The following MGAM variants were observed in gnomAD, a reference collection of about 807,000 sequenced individuals.
The protein encoded by MGAM is alpha-1,4-glucosidase.
MGAM carries 253 observed loss-of-function variants against 358.8 expected under a neutral mutation model. The ratio of observed to expected loss-of-function variants is 0.71; its 90% CI spans 0.64 to 0.78. The LOEUF (loss-of-function observed/expected upper bound fraction) is 0.78, where lower values mean the gene tolerates loss of function less well. MGAM is among the 30% of genes least tolerant of loss of function. MGAM has a pLI of 0.00. For synonymous variants in MGAM, 1,105 were observed against 1,227.1 expected, an observed-to-expected ratio of 0.90 and a Z score of 2.08; for missense variants, 3,080 against 3,432.6, an observed-to-expected ratio of 0.90 and a Z score of 2.57.
chr7:142,056,125 G>T, intron 29 of MGAM, 29 bp downstream of exon 29: 1 of 1,565,590 alleles, frequency 6.4e-7, no homozygotes, highest in South Asian at 1.2e-5. Flanking sequence ...CCCTTATTTT[G>T]GGGGGATACC....
In MGAM at chr7:142,054,895, A is replaced by G. The variant is rs201221721; in HGVS notation, c.3301A>G (p.Thr1101Ala). 4.8e-5 allele frequency: 77 copies of G among 1,613,844 alleles called. No homozygotes were observed. In the African/African-American group the frequency reaches 9.7e-4, roughly 20 times the overall value. Residue 1101 changes from threonine (T) to alanine (A), a missense_variant, in exon 27 of 71, where the codon ACA becomes GCA. Thr to Ala is a moderately conservative substitution (Grantham distance 58, BLOSUM62 0). Transcript: ENST00000475668. ...TGGGATTGAAATTCGCCGGAAGAGT[A>G]CAGGCACTATAATGTGAGTGGCTTC... The part of the protein sequence containing the change: ...PFGIEIRRKS[T>A]GTIIWDSQLL...
chr7:142,057,657 G>A (rs1811692943), intron 30 of MGAM, among the ~76,000 whole-genome samples: 1 of 151,676 alleles, frequency 6.6e-6, no homozygotes, highest in East Asian at 1.9e-4. Flanking sequence ...TGATGATGGT[G>A]GTGGTGATGA....
intron 20 of MGAM, 75 bp from the exon 21 acceptor site, chr7:142,040,647 C>A: frequency 6.4e-7 from 1 of 1,553,270 alleles, no homozygotes; most frequent in Admixed American, 1.9e-5. Context: ...AGCTGTGTAT[C>A]ACCAGGCATG....
intron 34 of MGAM, among the ~76,000 whole-genome samples, chr7:142,060,946 G>T (rs1446990045): frequency 6.7e-6 from 1 of 149,886 alleles, no homozygotes; most frequent in Non-Finnish European, 1.5e-5. Flanking sequence ...TGTAAAACTT[G>T]CTCTCTCCTG....
chr7:142,022,214 C>G, intron 6 of MGAM, 54 bp from the exon 7 acceptor site: 3 of 1,511,346 alleles, frequency 2.0e-6, no homozygotes, highest in South Asian at 2.6e-5. Flanking sequence ...TAAGCACTTA[C>G]GTTCTCTCCA....
chr7:142,102,585 T>A, intron 68 of MGAM, 45 bp from the exon 69 acceptor site: 1 of 1,574,318 alleles, frequency 6.4e-7, no homozygotes, highest in Non-Finnish European at 8.7e-7. Flanking sequence ...CATAGAGTTC[T>A]ACAGCACAGG....
At chr7:141,992,310 C>A (rs1424697253), upstream of MGAM, among the ~76,000 whole-genome samples, 1 of 152,204 alleles carries the variant, frequency 6.6e-6, no homozygotes, top group Non-Finnish European at 1.5e-5. Context: ...ATAAGCAGAC[C>A]TGGGCTTTGC....
chr7:142,044,259 A>G, intron 21 of MGAM, among the ~76,000 whole-genome samples: 1 of 119,774 alleles, frequency 8.3e-6, no homozygotes, highest in East Asian at 2.3e-4. Context: ...CATACGACAT[A>G]TAATATATAC....
chr7:142,104,911 TCCTG>T (rs1816720305), intron 70 of MGAM, among the ~76,000 whole-genome samples: 1 of 152,160 alleles, frequency 6.6e-6, no homozygotes, highest in South Asian at 2.1e-4. Flanking sequence ...TCATAATCCT[TCCTG>T]ATGATTAAGC....
At chr7:142,019,690 C>T (rs925155285) in intron 4 of MGAM, among the ~76,000 whole-genome samples, 1 of 152,146 alleles carries the variant, frequency 6.6e-6, no homozygotes, top group Non-Finnish European at 1.5e-5. Context: ...GAAGTAATTC[C>T]AATTTTATAA....
At chr7:142,064,103 T>C (rs1812488885) in intron 36 of MGAM, among the ~76,000 whole-genome samples, 2 of 152,354 alleles carry the variant, frequency 1.3e-5, no homozygotes, top group South Asian at 2.1e-4. Flanking sequence ...ATGGAAATAA[T>C]TGGAAGTCAA....
rs528808191 is a variant in MGAM at position 142,067,631 on chromosome 7, C to G, written c.5004+206C>G. On this transcript the variant is annotated intron_variant, in intron 42 of 70. Coordinates refer to ENST00000475668, the MANE Select transcript of MGAM (RefSeq NM_001365693.1). ...CATCTTTAAAATGAGCCTAACAATT[C>G]TGGTTCGTAGGATGATCAAGAAGAA... Among the ~76,000 whole-genome samples the G allele has an allele frequency of 1.4e-4, 20 of 141,810 alleles. 1 individual carries two copies. Among genetic ancestry groups the G allele is most frequent in the African/African-American group, 4.2e-4 (17 of 40,780 alleles). The allele number at this position is 141,810 out of a possible 152,430, so 93.0% of individuals were successfully genotyped here. A position where few individuals can be genotyped will look rare whatever the true frequency, so the allele number is the denominator to read the frequency against.
At chr7:142,023,296 T>C (rs1441045858) in intron 7 of MGAM, among the ~76,000 whole-genome samples, 1 of 152,086 alleles carries the variant, frequency 6.6e-6, no homozygotes, top group Non-Finnish European at 1.5e-5. Context: ...ACTCCTGGAC[T>C]CAAGCAATCC....
rs964159838 is a variant in MGAM, at chr7:142,031,807, A to G, written c.1584+14A>G. 2.0e-6 allele frequency: 3 copies of G among 1,527,282 alleles called. No homozygotes were observed. The highest frequency in any genetic ancestry group is 2.7e-6 in the Non-Finnish European group (3 of 1,101,268). The allele number at this position is 1,527,282 out of a possible 1,614,324, so 94.6% of individuals were successfully genotyped here. ...GGAATCTGGATTGTGAGTTGTTTAC[A>G]CTTGGATTATTAGGTGACAAATATT... On this transcript the variant is annotated intron_variant, in intron 13 of 70. Coordinates refer to ENST00000475668, the MANE Select transcript of MGAM (RefSeq NM_001365693.1).
chr7:142,095,672 C>A lies in MGAM; in HGVS notation c.7566C>A (p.Ala2522=), dbSNP rs1163300488. The change falls in exon 64 of 71, where the codon GCC becomes GCA. Residue 2522 remains alanine (A), a synonymous_variant. Transcript: ENST00000475668. ...ATCTGTATACCTTGATGCATAAGGC[C>A]CACACGGAGGGCGTCACTGTTGTGC... The part of the protein sequence containing the change: ...LPYLYTLMHK[A]HTEGVTVVRP... 1 of 1,613,964 alleles carries A rather than the reference C, an allele frequency of 6.2e-7. No homozygotes were observed. The highest frequency in any genetic ancestry group is 8.5e-7 in the Non-Finnish European group (1 of 1,179,878).
intron 2 of MGAM, among the ~76,000 whole-genome samples, chr7:141,988,574 A>T (rs1408914994): frequency 2.6e-5 from 4 of 152,130 alleles, no homozygotes; most frequent in African/African-American, 9.7e-5. Flanking sequence ...CATGTTGACC[A>T]GGCTGGTCTC....
rs755355608 is a variant in MGAM, at chr7:142,082,511, A to T, written c.6208A>T (p.Met2070Leu). The part of the protein sequence containing the change: ...KNSYGVHPYY[M>L]GLEEDGSAHG... Reference sequence around the variant, plus strand: ...TTCCTATGGTGTCCACCCCTACTACATGGGGCTAGAGGAGGATGGCAGTGC... The same window carrying T: ...TTCCTATGGTGTCCACCCCTACTACTTGGGGCTAGAGGAGGATGGCAGTGC... Residue 2070 changes from methionine to leucine, a missense_variant, in exon 52 of 71, where the codon ATG becomes TTG. Met to Leu is a conservative substitution (Grantham distance 15, BLOSUM62 2). This residue lies in a region of MGAM where 932 missense variants were observed against 1,198.2 expected (regional missense o/e 0.78). Transcript: ENST00000475668. The T allele has an allele frequency of 6.5e-7, 1 of 1,535,700 alleles. No individual in the cohort carries two copies. The highest frequency in any genetic ancestry group is 1.8e-5 in the Admixed American group (1 of 56,560).
intron 9 of MGAM, 87 bp downstream of exon 9, chr7:142,027,314 C>T: frequency 9.4e-7 from 1 of 1,059,576 alleles, no homozygotes; most frequent in Non-Finnish European, 1.4e-6. Flanking sequence ...AAGTGTGACC[C>T]ACAAAATCTG....
upstream of MGAM, among the ~76,000 whole-genome samples, chr7:141,991,005 G>A (rs1342613620): frequency 2.0e-5 from 3 of 152,160 alleles, no homozygotes; most frequent in Non-Finnish European, 2.9e-5. Flanking sequence ...GAGGAATCAC[G>A]CTCATCTATA....
Sources: allele counts gnomAD v4.1 joint callset (sites outside exome capture counted in the v4.1 genomes callset), GRCh38; gene constraint gnomAD v4.1.1; regional missense constraint gnomAD v4.1.1; transcripts MANE v1.5; gene names NCBI Gene and HGNC (gene_info 2026-07-23, HGNC 2026-07-21).